The following PDE1C variants were observed in gnomAD, a reference collection of about 807,000 sequenced individuals.
The protein encoded by PDE1C is phosphodiesterase 1C.
A neutral mutation model predicts 93.1 loss-of-function variants in PDE1C; 62 were observed. That is an observed-to-expected ratio of 0.67 (90% CI 0.54 to 0.82). The LOEUF (loss-of-function observed/expected upper bound fraction) is 0.82, where lower values mean the gene tolerates loss of function less well. Among genes scored for constraint, PDE1C ranks in the 40% least tolerant of loss-of-function variants. The pLI, the probability that PDE1C is intolerant of heterozygous loss-of-function variation, is 0.00. For missense variants in PDE1C, 742 were observed against 884.6 expected, an observed-to-expected ratio of 0.84 and a Z score of 2.04; for synonymous variants, 325 against 310.1, an observed-to-expected ratio of 1.05 and a Z score of -0.50.
intron 2 of PDE1C, among the ~76,000 whole-genome samples, chr7:32,031,201 T>A (rs1023238415): frequency 6.6e-6 from 1 of 152,170 alleles, no homozygotes; most frequent in Non-Finnish European, 1.5e-5. Flanking sequence ...CCCTCATTAA[T>A]AATGAGTTAA....
At chr7:32,047,627 C>A (rs1388032734) in intron 2 of PDE1C, among the ~76,000 whole-genome samples, 1 of 152,088 alleles carries the variant, frequency 6.6e-6, no homozygotes, top group Non-Finnish European at 1.5e-5. Flanking sequence ...CCAAAATATG[C>A]CTCGTACTTG....
At chr7:32,285,454 T>C (rs1811935131) in intron 1 of PDE1C, among the ~76,000 whole-genome samples, 1 of 152,150 alleles carries the variant, frequency 6.6e-6, no homozygotes, top group East Asian at 1.9e-4. Flanking sequence ...ACAACCTGTG[T>C]CCAACAATTA....
intron 16 of PDE1C, among the ~76,000 whole-genome samples, chr7:31,776,814 G>A (rs1452520073): frequency 6.6e-6 from 1 of 152,122 alleles, no homozygotes; most frequent in Admixed American, 6.5e-5. Context: ...TTCCTCAGCA[G>A]AGGATATCCA....
intron 2 of PDE1C, among the ~76,000 whole-genome samples, chr7:31,899,340 G>A (rs908742994): frequency 2.0e-5 from 3 of 151,708 alleles, no homozygotes; most frequent in Admixed American, 1.3e-4. Context: ...GGGTTTCACC[G>A]TGTTAGCCAG....
At chr7:32,076,646 AAAAAAAAAAAAG>A (rs1417175831) in intron 3 of PDE1C, among the ~76,000 whole-genome samples, 6 of 130,116 alleles carry the variant, frequency 4.6e-5, no homozygotes, top group African/African-American at 1.2e-4. Context: ...CCATCTCAAA[AAAAAAAAAAAAG>A]AAAAAAAGAA....
At chr7:32,033,956 A>C (rs1225419534) in intron 2 of PDE1C, among the ~76,000 whole-genome samples, 1 of 152,148 alleles carries the variant, frequency 6.6e-6, no homozygotes, top group Admixed American at 6.5e-5. Flanking sequence ...CTCTATCAGT[A>C]GATAATAAAA....
the PDE1C span, among the ~76,000 whole-genome samples, chr7:31,712,622 C>A: frequency 6.6e-6 from 1 of 152,204 alleles, no homozygotes; most frequent in South Asian, 2.1e-4. Context: ...GGTGTCATGG[C>A]TTCAGAATGC....
At chr7:31,697,049 C>T in the PDE1C span, 1 of 1,614,130 alleles carries the variant, frequency 6.2e-7, no homozygotes, top group Non-Finnish European at 8.5e-7. Flanking sequence ...CTTCATAACA[C>T]TGACCTGGAA....
At chr7:31,893,514 T>C (rs1168293655) in intron 2 of PDE1C, 12 of 982,854 alleles carry the variant, frequency 1.2e-5, no homozygotes, top group Non-Finnish European at 1.4e-5. Flanking sequence ...ACCACCTCCC[T>C]TTCTTTGTAG....
intron 1 of PDE1C, among the ~76,000 whole-genome samples, chr7:32,378,735 T>A (rs779308941): frequency 1.1e-4 from 17 of 152,048 alleles, no homozygotes; most frequent in Non-Finnish European, 2.2e-4. Flanking sequence ...ATTTCCCACA[T>A]CCCTGTGATG....
At chr7:32,402,226 C>A (rs1784959256) in intron 1 of PDE1C, among the ~76,000 whole-genome samples, 1 of 151,898 alleles carries the variant, frequency 6.6e-6, no homozygotes, top group African/African-American at 2.4e-5. Flanking sequence ...GAAACAGAAC[C>A]AGTAGGATAC....
chr7:32,034,449 C>T (rs1381595945), intron 2 of PDE1C, among the ~76,000 whole-genome samples: 1 of 152,084 alleles, frequency 6.6e-6, no homozygotes, highest in East Asian at 1.9e-4. Context: ...GGATGGATTC[C>T]CCTTAGCAGT....
chr7:32,361,448 C>T (rs1426069509), intron 1 of PDE1C, among the ~76,000 whole-genome samples: 1 of 152,176 alleles, frequency 6.6e-6, no homozygotes, highest in Non-Finnish European at 1.5e-5. Flanking sequence ...TACAGCAATC[C>T]TTCTTTATTA....
chr7:32,021,368 C>A (rs1018050388), intron 2 of PDE1C, among the ~76,000 whole-genome samples: 2 of 152,106 alleles, frequency 1.3e-5, no homozygotes, highest in African/African-American at 4.8e-5. Flanking sequence ...ACTTCACTGA[C>A]CCCTCTCTAA....
intron 1 of PDE1C, among the ~76,000 whole-genome samples, chr7:32,062,125 G>A (rs1472913727): frequency 6.6e-6 from 1 of 152,012 alleles, no homozygotes; most frequent in Non-Finnish European, 1.5e-5. Context: ...CATTCATTCT[G>A]TTCCCACTCA....
chr7:32,117,021 A>C (rs556292584), intron 3 of PDE1C, among the ~76,000 whole-genome samples: 51 of 152,184 alleles, frequency 3.4e-4, no homozygotes, highest in Non-Finnish European at 6.8e-4. Context: ...CAACTACACA[A>C]GTGAAAAATC....
chr7:32,187,849 A>G (rs1448945422), intron 2 of PDE1C, among the ~76,000 whole-genome samples: 4 of 152,346 alleles, frequency 2.6e-5, no homozygotes, highest in African/African-American at 7.2e-5. Flanking sequence ...CTCAAAATCC[A>G]TTGTGTATTT....
chr7:32,039,239 A>G (rs749149092), intron 2 of PDE1C, among the ~76,000 whole-genome samples: 3 of 152,166 alleles, frequency 2.0e-5, no homozygotes, highest in Non-Finnish European at 4.4e-5. Context: ...ATCAGTAAAG[A>G]TAGTACTATT....
intron 15 of PDE1C, among the ~76,000 whole-genome samples, chr7:31,811,018 T>C (rs1787476880): frequency 1.3e-5 from 2 of 152,130 alleles, no homozygotes. Context: ...GGATGGACCG[T>C]GATATGGTTT....
Sources: allele counts gnomAD v4.1 joint callset (sites outside exome capture counted in the v4.1 genomes callset), GRCh38; gene constraint gnomAD v4.1.1; transcripts MANE v1.5; gene names NCBI Gene and HGNC (gene_info 2026-07-23, HGNC 2026-07-21).